SERINC3: variants seen among roughly 807,000 people sequenced by gnomAD.
The protein encoded by SERINC3 is tumor differentially expressed protein 1.
In SERINC3, 22 loss-of-function variants were observed where a neutral mutation model predicts 52.1. The ratio of observed to expected loss-of-function variants is 0.42; its 90% confidence interval spans 0.30 to 0.60. The LOEUF is 0.60. Among genes scored for constraint, SERINC3 ranks in the 20% least tolerant of loss-of-function variants. The pLI, the probability that SERINC3 is intolerant of heterozygous loss-of-function variation, is 0.16. For synonymous variants in SERINC3, 226 were observed against 212.7 expected, an observed-to-expected ratio of 1.06 and a Z score of -0.54; for missense variants, 564 against 584.6, an observed-to-expected ratio of 0.96 and a Z score of 0.36.
At chr20:44,507,117 C>T in intron 5 of SERINC3, 121 bp from the exon 6 acceptor site, 1 of 685,174 alleles carries the variant, frequency 1.5e-6, no homozygotes, top group Non-Finnish European at 2.2e-6. Flanking sequence ...GGGTAATTTA[C>T]AGTAAAATTA....
At chr20:44,514,969 G>A (rs776119414) in intron 1 of SERINC3, among the ~76,000 whole-genome samples, 5 of 152,102 alleles carry the variant, frequency 3.3e-5, no homozygotes, top group South Asian at 2.1e-4. Context: ...GCTTGTACAC[G>A]AATATTCACA....
chr20:44,503,716 GT>G (rs1323306606), intron 8 of SERINC3, 98 bp downstream of exon 8: 1 of 953,828 alleles, frequency 1.0e-6, no homozygotes, highest in African/African-American at 1.7e-5. Context: ...AGAGAGTGAA[GT>G]TTTTAAATTT....
Position 44,500,434 on chromosome 20 carries a change from G to A in SERINC3, c.1284C>T (p.Ser428=), listed in dbSNP as rs767222324. ...TCATGCTCTGAAACTTTGCATCAGG[G>A]CTAAGAAAACAAGAGAGAGTCAGGT... ...YIMMTLTSWY[S]PDAKFQSMTS... Residue 428 remains serine, a splice_region_variant and synonymous_variant, in exon 10 of 10, where the codon AGC becomes AGT. Transcript: ENST00000342374. 9 of 1,561,486 alleles carry A rather than the reference G, an allele frequency of 5.8e-6. No individual in the cohort carries two copies. Among genetic ancestry groups the A allele is most frequent in the Non-Finnish European group, 7.8e-6 (9 of 1,152,024 alleles).
At chr20:44,517,428 A>G (rs1251926926) in intron 1 of SERINC3, among the ~76,000 whole-genome samples, 1 of 152,190 alleles carries the variant, frequency 6.6e-6, no homozygotes, top group East Asian at 1.9e-4. Flanking sequence ...AGTTAAGATG[A>G]GGTTATATGG....
At position 44,500,205 on chromosome 20, in the gene SERINC3, A is replaced by G. The variant is rs1600807274; in HGVS notation, c.*91T>C. The G allele has an allele frequency of 3.5e-5, 47 of 1,356,880 alleles. No individual in the cohort carries two copies. Among genetic ancestry groups the G allele is most frequent in the Non-Finnish European group, 4.7e-5 (47 of 999,772 alleles). 84.1% of individuals were successfully genotyped at this position (1,356,880 alleles called of 1,614,324 possible). On this transcript the variant is annotated 3_prime_UTR_variant, in exon 10 of 10. Transcript: ENST00000342374. The stretch of plus-strand genomic sequence containing the variant: ...GTCAAACTTGCAAAGCATTCACTTA[A>G]TATTTTAGTTGAAACAAACTTAAAA...
chr20:44,507,399 A>G (rs183223560), intron 5 of SERINC3, among the ~76,000 whole-genome samples: 12 of 152,296 alleles, frequency 7.9e-5, no homozygotes, highest in African/African-American at 2.6e-4. Flanking sequence ...TGTTAGAGGA[A>G]AACAGAATAC....
intron 8 of SERINC3, 72 bp downstream of exon 8, chr20:44,503,743 G>C: frequency 1.6e-6 from 2 of 1,260,660 alleles, no homozygotes; most frequent in Non-Finnish European, 2.2e-6. Flanking sequence ...GCTGCTTTTT[G>C]AAAGCAAAAC....
At chr20:44,502,426 AT>A (rs2064285591) in intron 8 of SERINC3, among the ~76,000 whole-genome samples, 1 of 151,440 alleles carries the variant, frequency 6.6e-6, no homozygotes, top group Admixed American at 6.6e-5. Flanking sequence ...TCCTAAAAAG[AT>A]TAAAAATTAG....
chr20:44,521,833 C>A, intron 1 of SERINC3, 80 bp downstream of exon 1: 1 of 1,430,318 alleles, frequency 7.0e-7, no homozygotes, highest in South Asian at 1.2e-5. Flanking sequence ...GCCTCTGGAG[C>A]CAAGGCCCGT....
chr20:44,501,336 G>T, intron 8 of SERINC3, 36 bp from the exon 9 acceptor site: 1 of 1,566,916 alleles, frequency 6.4e-7, no homozygotes, highest in South Asian at 1.1e-5. Context: ...AATCAGAAAG[G>T]GGCCATGACA....
At position 44,511,370 on chromosome 20, in the gene SERINC3, T is replaced by G. The variant is rs2064346667; in HGVS notation, c.396-2A>C. 1 of 1,597,412 alleles carries G rather than the reference T, an allele frequency of 6.3e-7. No homozygotes were observed. Among genetic ancestry groups the G allele is most frequent in the African/African-American group, 1.3e-5 (1 of 74,548 alleles). On this transcript the variant is annotated splice_acceptor_variant, in intron 3 of 9. Transcript: ENST00000342374. LOFTEE classifies it high-confidence loss of function. The stretch of plus-strand genomic sequence containing the variant: ...GCAGCAATTTTGAAGAACCAAAACC[T>G]ATTAAAATATAAAAATGCATTTATG...
Position 44,502,442 on chromosome 20 carries a change from G to C in SERINC3, c.1056-1142C>G, listed in dbSNP as rs913472620. On this transcript the variant is annotated intron_variant, in intron 8 of 9. Coordinates refer to ENST00000342374, the MANE Select transcript of SERINC3 (RefSeq NM_006811.4). ...CCTAAAAAGATTAAAAATTAGCTGG[G>C]CATGATGGTGTGTGCCTGTAGTTTC... Among the ~76,000 whole-genome samples, 95 of 152,168 alleles carry C rather than the reference G, an allele frequency of 6.2e-4. 1 individual carries two copies. Among genetic ancestry groups the C allele is most frequent in the Admixed American group, 5.9e-3 (90 of 15,280 alleles).
At chr20:44,516,845 C>T (rs962535545) in intron 1 of SERINC3, among the ~76,000 whole-genome samples, 1 of 152,172 alleles carries the variant, frequency 6.6e-6, no homozygotes, top group Non-Finnish European at 1.5e-5. Flanking sequence ...CCACCATGCC[C>T]AGCTAAGAGA....
intron 1 of SERINC3, among the ~76,000 whole-genome samples, chr20:44,518,973 G>GAA (rs397757339): frequency 3.2e-5 from 2 of 61,798 alleles, no homozygotes; most frequent in Non-Finnish European, 6.8e-5. Flanking sequence ...TCTCAAAAAC[G>GAA]AAAAAAAAAA....
At chr20:44,506,346 C>A (rs967147386) in intron 6 of SERINC3, among the ~76,000 whole-genome samples, 1 of 150,654 alleles carries the variant, frequency 6.6e-6, no homozygotes, top group Non-Finnish European at 1.5e-5. Flanking sequence ...GTAATCCCAG[C>A]ACCTTGGGAG....
intron 1 of SERINC3, among the ~76,000 whole-genome samples, chr20:44,514,678 A>T (rs2064369001): frequency 6.6e-6 from 1 of 151,956 alleles, no homozygotes; most frequent in East Asian, 1.9e-4. Context: ...GGAGAATGGC[A>T]TGAACCCAGG....
In SERINC3 at chr20:44,516,356, C is replaced by T. The variant is rs1461199751; in HGVS notation, c.40-2316G>A. 2.0e-5 allele frequency among the ~76,000 whole-genome samples: 3 copies of T among 152,116 alleles called. No homozygotes were observed. The East Asian group carries it at 5.8e-4, about 29-fold the overall frequency. ...CTGCTAAAATCTGTTAGTGACCACA[C>T]TACATGAAAGAAGATATAATTTTAT... On this transcript the variant is annotated intron_variant, in intron 1 of 9. Transcript: ENST00000342374.
chr20:44,521,344 G>T (rs985404534), intron 1 of SERINC3, among the ~76,000 whole-genome samples: 1 of 152,198 alleles, frequency 6.6e-6, no homozygotes, highest in African/African-American at 2.4e-5. Flanking sequence ...GAATGCTGGG[G>T]TGATTATCCT....
rs572479055 is a variant in SERINC3, at chr20:44,515,528, G to A, written c.40-1488C>T. ...AGTGAATCTAGAGACAGAAGATTAG[G>A]GGTTGAAGGGAAGGGAAATGGGAGT... On this transcript the variant is annotated intron_variant, in intron 1 of 9. Coordinates refer to ENST00000342374, the MANE Select transcript of SERINC3 (RefSeq NM_006811.4). Among the ~76,000 whole-genome samples, 6 of 152,320 alleles carry A rather than the reference G, an allele frequency of 3.9e-5. No homozygotes were observed. In the East Asian group the frequency reaches 9.6e-4, roughly 24 times the overall value.
Sources: gnomAD v4.1 joint callset for allele counts (sites outside exome capture counted in the v4.1 genomes callset) on GRCh38, gnomAD v4.1.1 for gene constraint, MANE v1.5 for transcripts, NCBI Gene and HGNC (gene_info 2026-07-23, HGNC 2026-07-21) for gene names.